Variants in SLC15A5 observed in about 807,000 individuals in gnomAD.
The protein encoded by SLC15A5 is Peptide/histidine transporter ENSP00000340402.
In SLC15A5, 58 loss-of-function variants were observed where a neutral mutation model predicts 56.1. That is an observed-to-expected ratio of 1.03 (90% confidence interval 0.84 to 1.29). The LOEUF is 1.29. SLC15A5 is among the 50% of genes most tolerant of loss of function. SLC15A5 has a pLI of 0.00. For missense variants in SLC15A5, 681 were observed against 672.1 expected (o/e 1.01, Z -0.15); for synonymous variants, 264 against 250.5 (o/e 1.05, Z -0.51).
chr12:16,229,358 C>G (rs1864272560), intron 5 of SLC15A5, among the ~76,000 whole-genome samples: 2 of 152,124 alleles, frequency 1.3e-5, no homozygotes, highest in Admixed American at 1.3e-4. Context: ...TCTTTCTTTT[C>G]CATCTTAGGG....
chr12:16,220,202 A>G (rs1295988799), intron 6 of SLC15A5, among the ~76,000 whole-genome samples: 1 of 152,136 alleles, frequency 6.6e-6, no homozygotes, highest in Non-Finnish European at 1.5e-5. Context: ...TAACCCTAAA[A>G]AAGCTTCAGC....
intron 5 of SLC15A5, among the ~76,000 whole-genome samples, chr12:16,226,456 T>G (rs1565663547): frequency 6.6e-6 from 1 of 152,156 alleles, no homozygotes. Context: ...AAAAGATATA[T>G]GAGTCAAAAA....
At chr12:16,238,966 T>G (rs542035007) in intron 5 of SLC15A5, among the ~76,000 whole-genome samples, 63 of 149,836 alleles carry the variant, frequency 4.2e-4, no homozygotes, top group African/African-American at 1.5e-3. Flanking sequence ...CTAGGGTATG[T>G]CCCTCAATGA....
intron 3 of SLC15A5, among the ~76,000 whole-genome samples, chr12:16,247,492 A>C (rs1864473646): frequency 6.6e-6 from 1 of 152,148 alleles, no homozygotes; most frequent in Non-Finnish European, 1.5e-5. Flanking sequence ...GAGACCCTAA[A>C]AGCAGGAAAA....
chr12:16,277,284 A>G (rs903596895), intron 1 of SLC15A5, 41 bp downstream of exon 1: 1 of 1,433,174 alleles, frequency 7.0e-7, no homozygotes, highest in Non-Finnish European at 9.1e-7. Context: ...AAATCTACTT[A>G]ATTAAGTCAC....
chr12:16,242,004 C>CT (rs1864418580), intron 4 of SLC15A5, among the ~76,000 whole-genome samples: 1 of 152,134 alleles, frequency 6.6e-6, no homozygotes, highest in Admixed American at 6.5e-5. Context: ...TCATCCAAGC[C>CT]TTTGAGTATT....
intron 7 of SLC15A5, among the ~76,000 whole-genome samples, chr12:16,209,236 A>T (rs188694087): frequency 1.0e-3 from 153 of 152,132 alleles, no homozygotes; most frequent in African/African-American, 3.5e-3. Flanking sequence ...TCTTCAGTGA[A>T]TATACATATG....
At chr12:16,255,478 T>C (rs1864562014) in intron 3 of SLC15A5, among the ~76,000 whole-genome samples, 1 of 152,116 alleles carries the variant, frequency 6.6e-6, no homozygotes, top group Non-Finnish European at 1.5e-5. Flanking sequence ...AAAGGCATTC[T>C]TGTACATTTT....
rs753996980 is a variant in SLC15A5, at chr12:16,216,997, G to T, written c.1379C>A (p.Pro460Gln). The T allele has an allele frequency of 3.3e-5, 51 of 1,536,496 alleles. No homozygotes were observed. Among genetic ancestry groups the T allele is most frequent in the Non-Finnish European group, 6.1e-6 (7 of 1,146,554 alleles). The change falls in exon 7 of 9, where the codon CCA becomes CAA. Residue 460 changes from proline to glutamine, a missense_variant. By Grantham distance (76) the Pro-to-Gln change is moderately conservative. Transcript: ENST00000344941. ...CATGGAGGTTCCTCTGACATTGCTT[G>T]GAACAAATCTGTATGATATTACAGA... ...ALSVISYRFV[P>Q]SNVRGTSMNF...
Position 16,277,513 on chromosome 12 carries a change from A to G in SLC15A5, c.173T>C (p.Phe58Ser), listed in dbSNP as rs1240090909. 6.5e-7 allele frequency: 1 copy of G among 1,536,420 alleles called. No individual in the cohort carries two copies. Among genetic ancestry groups the G allele is most frequent in the Non-Finnish European group, 8.7e-7 (1 of 1,146,334 alleles). Residue 58 changes from phenylalanine to serine, a missense_variant, in exon 1 of 9, where the codon TTT becomes TCT. Physicochemically the swap from Phe to Ser is radical, Grantham distance 155. Coordinates refer to ENST00000344941, the MANE Select transcript of SLC15A5 (RefSeq NM_001170798.1). ...GGGGATCATGTTGCAGACGACTTCA[A>G]AGAACGTGAACCTCTCACACAGCTC... is the stretch of plus-strand genomic sequence containing the variant. ...LVELCERFTF[F>S]EVVCNMIPFC...
At chr12:16,257,893 A>T in intron 2 of SLC15A5, 23 bp from the exon 3 acceptor site, 1 of 1,388,322 alleles carries the variant, frequency 7.2e-7, no homozygotes, top group Non-Finnish European at 9.3e-7. Flanking sequence ...GACAGACAAA[A>T]ATAAAAATAC....
chr12:16,207,404 T>G (rs1269362293), intron 7 of SLC15A5, among the ~76,000 whole-genome samples: 1 of 152,032 alleles, frequency 6.6e-6, no homozygotes, highest in East Asian at 1.9e-4. Context: ...GAAGAAAGCC[T>G]TTCTTTTGCA....
chr12:16,268,374 G>A (rs901949627), intron 2 of SLC15A5, among the ~76,000 whole-genome samples: 2 of 152,098 alleles, frequency 1.3e-5, no homozygotes, highest in African/African-American at 4.8e-5. Context: ...TAGGGTGAGA[G>A]GGTAGCATTT....
chr12:16,209,043 G>T (rs1398904764), intron 7 of SLC15A5, among the ~76,000 whole-genome samples: 1 of 144,938 alleles, frequency 6.9e-6, no homozygotes, highest in Non-Finnish European at 1.5e-5. Flanking sequence ...TTCATGTACT[G>T]GACTTCCATC....
chr12:16,206,077 C>T (rs538218772), intron 7 of SLC15A5, among the ~76,000 whole-genome samples: 5 of 151,894 alleles, frequency 3.3e-5, no homozygotes, highest in South Asian at 2.1e-4. Flanking sequence ...TGCTTGGGAG[C>T]GAAAAAGGGT....
In SLC15A5 at chr12:16,259,897, C is replaced by CGGGGG. The variant is rs148955043; in HGVS notation, c.585-2028_585-2027insCCCCC. ...CTTGCTGTACCCAGCTGACACCACC[C>CGGGGG]GGGCGGGGGGTAAGTTAGAGCACTT... On this transcript the variant is annotated intron_variant, in intron 2 of 8. Coordinates refer to ENST00000344941, the MANE Select transcript of SLC15A5 (RefSeq NM_001170798.1). 1.3e-3 allele frequency among the ~76,000 whole-genome samples: 186 copies of CGGGGG among 140,710 alleles called. 2 individuals are homozygous for CGGGGG. Among genetic ancestry groups the CGGGGG allele is most frequent in the East Asian group, 3.2e-3 (15 of 4,628 alleles). 92.3% of individuals were successfully genotyped at this position (140,710 alleles called of 152,430 possible).
intron 3 of SLC15A5, among the ~76,000 whole-genome samples, chr12:16,254,978 TAGA>T (rs1323445649): frequency 2.0e-5 from 3 of 152,154 alleles, no homozygotes; most frequent in Admixed American, 6.5e-5. Context: ...TTTAGATAGC[TAGA>T]AGAAGGATAT....
chr12:16,261,203 C>CAA (rs751019030), intron 2 of SLC15A5, among the ~76,000 whole-genome samples: 173 of 152,312 alleles, frequency 1.1e-3, no homozygotes, highest in Non-Finnish European at 2.0e-3. Flanking sequence ...TTCTAAAGCT[C>CAA]AGTCACATCC....
chr12:16,231,841 G>C (rs1359699460), intron 5 of SLC15A5, among the ~76,000 whole-genome samples: 1 of 152,170 alleles, frequency 6.6e-6, no homozygotes, highest in Non-Finnish European at 1.5e-5. Flanking sequence ...TTCAGCACTA[G>C]GAAGTATGCC....
Sources: allele counts gnomAD v4.1 joint callset (sites outside exome capture counted in the v4.1 genomes callset), GRCh38; gene constraint gnomAD v4.1.1; transcripts MANE v1.5; gene names NCBI Gene and HGNC (gene_info 2026-07-23, HGNC 2026-07-21).